UBE2R2: variants seen among roughly 807,000 people sequenced by gnomAD.
UBE2R2 encodes the protein ubiquitin-conjugating enzyme E2 R2.
In UBE2R2, 1 loss-of-function variant was observed where a neutral mutation model predicts 27.8. That is an observed-to-expected ratio of 0.04 (90% CI 0.01 to 0.17). The LOEUF is 0.17. UBE2R2 is among the 10% of genes least tolerant of loss of function. The pLI is 1.00. For synonymous variants in UBE2R2, 106 were observed against 113.3 expected (o/e 0.94, Z 0.41); for missense variants, 100 against 291.0 (o/e 0.34, Z 4.78).
chr9:33,823,378 A>G (rs1820203300), intron 1 of UBE2R2, among the ~76,000 whole-genome samples: 1 of 150,146 alleles, frequency 6.7e-6, no homozygotes, highest in Non-Finnish European at 1.5e-5. Flanking sequence ...AGTTGAAAAA[A>G]AATTTTTTTT....
At chr9:33,907,051 T>C (rs549132149) in intron 3 of UBE2R2, among the ~76,000 whole-genome samples, 1 of 152,210 alleles carries the variant, frequency 6.6e-6, no homozygotes, top group Non-Finnish European at 1.5e-5. Context: ...TAAACACATA[T>C]GAGCTCTGCA....
rs1822499295 is a variant in UBE2R2 at position 33,911,821 on chromosome 9, C to T, written c.363-143C>T. The T allele has an allele frequency of 4.0e-6, 3 of 745,570 alleles. No homozygotes were observed. In the South Asian group the frequency reaches 1.6e-4, roughly 39 times the overall value. 46.2% of individuals were successfully genotyped at this position (745,570 alleles called of 1,614,324 possible). Reference sequence around the variant, plus strand: ...AATAAAAAATTTATATCTCTATTCCCCCAAGGTCTTAAATTTAATTGTATC... The same window carrying T: ...AATAAAAAATTTATATCTCTATTCCTCCAAGGTCTTAAATTTAATTGTATC... On this transcript the variant is annotated intron_variant, in intron 3 of 4. Transcript: ENST00000263228.
At chr9:33,833,301 G>A (rs1170489425) in intron 1 of UBE2R2, among the ~76,000 whole-genome samples, 3 of 152,080 alleles carry the variant, frequency 2.0e-5, no homozygotes, top group East Asian at 1.9e-4. Context: ...TCCTGACCTC[G>A]TGATCCGCCT....
intron 1 of UBE2R2, among the ~76,000 whole-genome samples, chr9:33,836,768 A>AAT (rs1554671531): frequency 2.1e-3 from 317 of 147,692 alleles, no homozygotes; most frequent in African/African-American, 5.8e-3. Flanking sequence ...AAAAAAAAAA[A>AAT]ATATATATAT....
intron 1 of UBE2R2, among the ~76,000 whole-genome samples, chr9:33,864,576 G>A (rs77122271): frequency 0.023 from 3,458 of 152,188 alleles, 105 homozygotes; most frequent in African/African-American, 0.073. Flanking sequence ...AAGAGATGGT[G>A]TCTTGCTTTG....
In UBE2R2 at chr9:33,817,948, C is replaced by G; in HGVS notation, c.177+14C>G. The G allele has an allele frequency of 6.2e-7, 1 of 1,600,240 alleles. No homozygotes were observed. The highest frequency in any genetic ancestry group is 8.5e-7 in the Non-Finnish European group (1 of 1,173,280). On this transcript the variant is annotated intron_variant, in intron 1 of 4. Coordinates refer to ENST00000263228, the MANE Select transcript of UBE2R2 (RefSeq NM_017811.4). ...GGCTACTTCAAGGTACCCTCACCCT[C>G]CTCCCGGACCCTGCTTCCGCGGCCG...
chr9:33,839,431 T>C (rs563511292), intron 1 of UBE2R2, among the ~76,000 whole-genome samples: 5 of 152,064 alleles, frequency 3.3e-5, no homozygotes, highest in Admixed American at 1.3e-4. Context: ...AGAGACGGAG[T>C]TTCGCCATGA....
At chr9:33,823,768 C>T (rs556421739) in intron 1 of UBE2R2, among the ~76,000 whole-genome samples, 1 of 152,294 alleles carries the variant, frequency 6.6e-6, no homozygotes, top group South Asian at 2.1e-4. Context: ...AATGGGTACA[C>T]GTAAACTAAT....
chr9:33,880,997 G>A (rs755389696), intron 1 of UBE2R2, among the ~76,000 whole-genome samples: 1 of 152,164 alleles, frequency 6.6e-6, no homozygotes, highest in Non-Finnish European at 1.5e-5. Flanking sequence ...TGCTGCTTTA[G>A]ACTGTTGAGA....
chr9:33,879,750 C>CTTT (rs66929161), intron 1 of UBE2R2, among the ~76,000 whole-genome samples: 10 of 67,374 alleles, frequency 1.5e-4, no homozygotes, highest in African/African-American at 3.4e-4. Flanking sequence ...GGTCACAAGA[C>CTTT]TTTTTTTTTT....
chr9:33,841,352 T>TTA (rs1254635903), intron 1 of UBE2R2, among the ~76,000 whole-genome samples: 1 of 152,168 alleles, frequency 6.6e-6, no homozygotes, highest in East Asian at 1.9e-4. Context: ...AGTGCTGGGA[T>TTA]TACGGGCGTG....
At chr9:33,860,990 G>A (rs1415498792) in intron 1 of UBE2R2, among the ~76,000 whole-genome samples, 2 of 146,052 alleles carry the variant, frequency 1.4e-5, no homozygotes, top group Non-Finnish European at 3.0e-5. Flanking sequence ...ACGGAGTCTC[G>A]CTCTGTCCCC....
intron 1 of UBE2R2, among the ~76,000 whole-genome samples, chr9:33,832,683 AAG>A (rs1246569731): frequency 6.6e-6 from 1 of 151,934 alleles, no homozygotes; most frequent in African/African-American, 2.4e-5. Flanking sequence ...GAAAGAAAGA[AAG>A]AAATTATTTA....
At chr9:33,902,771 T>A (rs1191424097) in intron 3 of UBE2R2, among the ~76,000 whole-genome samples, 2 of 152,188 alleles carry the variant, frequency 1.3e-5, no homozygotes, top group Non-Finnish European at 2.9e-5. Context: ...ACATGAATTA[T>A]CTCGATAGAC....
At chr9:33,853,973 G>A (rs998425781) in intron 1 of UBE2R2, among the ~76,000 whole-genome samples, 8 of 152,032 alleles carry the variant, frequency 5.3e-5, no homozygotes, top group Non-Finnish European at 8.8e-5. Context: ...TGGGATTACA[G>A]GCATGAGCCA....
intron 1 of UBE2R2, among the ~76,000 whole-genome samples, chr9:33,858,586 G>A (rs1220314044): frequency 6.6e-6 from 1 of 151,930 alleles, no homozygotes; most frequent in East Asian, 1.9e-4. Flanking sequence ...TATTTTGCTA[G>A]AGATAGGGTT....
At chr9:33,838,498 T>C (rs993174991) in intron 1 of UBE2R2, among the ~76,000 whole-genome samples, 13 of 152,190 alleles carry the variant, frequency 8.5e-5, no homozygotes, top group African/African-American at 3.1e-4. Context: ...CTAATGTTAA[T>C]CTGCTTAATA....
At chr9:33,824,932 C>A (rs1341360717) in intron 1 of UBE2R2, among the ~76,000 whole-genome samples, 1 of 151,398 alleles carries the variant, frequency 6.6e-6, no homozygotes, top group Non-Finnish European at 1.5e-5. Context: ...TTTTAAATAC[C>A]AGTTTCAATG....
rs768337761 is a variant in UBE2R2 at position 33,917,373 on chromosome 9, C to T, written c.*136C>T. The T allele has an allele frequency of 9.3e-5, 125 of 1,343,368 alleles. No individual in the cohort carries two copies. The highest frequency in any genetic ancestry group is 1.2e-4 in the Non-Finnish European group (118 of 991,330). The allele number at this position is 1,343,368 out of a possible 1,614,324, so 83.2% of individuals were successfully genotyped here. ...GAAACACACACAGCTCCTGCTGACT[C>T]CCCTTATGGATCTCAGTTTGCTCCT... On this transcript the variant is annotated 3_prime_UTR_variant, in exon 5 of 5. Transcript: ENST00000263228.
Sources: gnomAD v4.1 joint callset for allele counts (sites outside exome capture counted in the v4.1 genomes callset) on GRCh38, gnomAD v4.1.1 for gene constraint, MANE v1.5 for transcripts, NCBI Gene and HGNC (gene_info 2026-07-23, HGNC 2026-07-21) for gene names.